The following PDPK1 variants were observed in gnomAD, a reference collection of about 807,000 sequenced individuals.
PDPK1 encodes the protein 3-phosphoinositide-dependent protein kinase 1.
A neutral mutation model predicts 39.8 loss-of-function variants in PDPK1; 7 were observed. The observed-to-expected ratio is 0.18, with a 90% CI of 0.10 to 0.33. PDPK1 has a LOEUF of 0.33. Among genes scored for constraint, PDPK1 ranks in the 10% least tolerant of loss-of-function variants. PDPK1 has a pLI of 1.00. For synonymous variants in PDPK1, 118 were observed against 159.1 expected (o/e 0.74, Z 1.95); for missense variants, 182 against 384.7 (o/e 0.47, Z 4.41).
At position 2,597,596 on chromosome 16, in the gene PDPK1, G is replaced by T. The variant is rs1185639737; in HGVS notation, c.1555-55G>T. On this transcript the variant is annotated intron_variant, in intron 13 of 13. Transcript: ENST00000342085. This position sits in a 1 kb window ranked among gnomAD's most constrained non-coding sequence, Gnocchi z 6.3. The stretch of plus-strand genomic sequence containing the variant: ...GTCGCAGGCAGCTCACCAGGTTGGG[G>T]TGGGGGTTTTGGTGGGACTCCCTGG... The T allele has an allele frequency of 7.9e-7, 1 of 1,264,166 alleles. No homozygotes were observed. The highest frequency in any genetic ancestry group is 1.2e-6 in the Non-Finnish European group (1 of 861,122). 78.3% of individuals were successfully genotyped at this position (1,264,166 alleles called of 1,614,324 possible).
chr16:2,594,835 T>C (rs1308606168), intron 11 of PDPK1, among the ~76,000 whole-genome samples: 2 of 151,834 alleles, frequency 1.3e-5, no homozygotes, highest in African/African-American at 4.8e-5. Flanking sequence ...ACAAAAAAAT[T>C]AGCCTGGCGG....
At chr16:2,580,111 G>A (rs958809981) in intron 7 of PDPK1, 9 of 148,424 alleles carry the variant, frequency 6.1e-5, no homozygotes, top group Admixed American at 2.7e-4. Flanking sequence ...TATGCCATTC[G>A]AGTCACGTTG....
intron 11 of PDPK1, among the ~76,000 whole-genome samples, chr16:2,594,898 G>A (rs539702659): frequency 6.2e-4 from 95 of 152,224 alleles, no homozygotes; most frequent in African/African-American, 2.1e-3. Flanking sequence ...GAGGCGGGTG[G>A]ATCACAAGGT....
chr16:2,579,384 C>T (rs1374218483), intron 7 of PDPK1: 1 of 85,626 alleles, frequency 1.2e-5, no homozygotes, highest in Non-Finnish European at 2.3e-5. Flanking sequence ...ACTTTCAGGG[C>T]GGAGGGCCAC....
chr16:2,539,020 A>AT, intron 1 of PDPK1: 1 of 220,088 alleles, frequency 4.5e-6, no homozygotes, highest in East Asian at 1.5e-4. Context: ...AAAGGCAAAT[A>AT]TTTTAAATGA....
chr16:2,590,334 C>T (rs13331566), intron 11 of PDPK1, among the ~76,000 whole-genome samples: 2,984 of 152,230 alleles, frequency 0.02, 99 homozygotes, highest in African/African-American at 0.068. Flanking sequence ...GACTTGAGGC[C>T]ATGGCACCAA....
intron 7 of PDPK1, among the ~76,000 whole-genome samples, chr16:2,577,928 G>A (rs2066748107): frequency 6.8e-6 from 1 of 147,840 alleles, no homozygotes. Context: ...TGGTAGAGAC[G>A]GGGTTTCACC....
At chr16:2,594,789 T>A (rs767318984) in intron 11 of PDPK1, among the ~76,000 whole-genome samples, 1 of 152,158 alleles carries the variant, frequency 6.6e-6, no homozygotes, top group Non-Finnish European at 1.5e-5. Context: ...GAGATCAGCC[T>A]GGCCAACAGG....
intron 11 of PDPK1, among the ~76,000 whole-genome samples, chr16:2,590,143 C>T (rs1163473752): frequency 5.3e-5 from 8 of 151,738 alleles, no homozygotes; most frequent in Non-Finnish European, 1.0e-4. Flanking sequence ...TTTTTTGAGG[C>T]GGAGTCTCCC....
At chr16:2,538,402 T>C (rs2066177289) in intron 1 of PDPK1, 1 of 378,262 alleles carries the variant, frequency 2.6e-6, no homozygotes, top group Non-Finnish European at 5.2e-6. Flanking sequence ...CCGGGAGGTG[T>C]CACCCGGCCC....
In PDPK1 at chr16:2,600,391, C is replaced by A. The variant is rs1483748744; in HGVS notation, c.*2624C>A. On this transcript the variant is annotated 3_prime_UTR_variant, in exon 14 of 14. Coordinates refer to ENST00000342085, the MANE Select transcript of PDPK1 (RefSeq NM_002613.5). The stretch of plus-strand genomic sequence containing the variant: ...GGAGGGAGGCTGTGGTCGCTGCCGG[C>A]CTAGGTGTCCCAGGTGCCCCGCCTT... 2 of 232,640 alleles carry A rather than the reference C, an allele frequency of 8.6e-6. No individual in the cohort carries two copies. The highest frequency in any genetic ancestry group is 1.7e-5 in the Non-Finnish European group (2 of 118,050). The allele number at this position is 232,640 out of a possible 1,614,324, so 14.4% of individuals were successfully genotyped here.
chr16:2,597,125 T>A lies in PDPK1; in HGVS notation c.1404T>A (p.Gly468=). 1 of 1,556,250 alleles carries A rather than the reference T, an allele frequency of 6.4e-7. No homozygotes were observed. The highest frequency in any genetic ancestry group is 1.4e-5 in the African/African-American group (1 of 73,230). ...GTTGTTTTGTGTTTTGGCGTCAGGGTTTATTTGCAAGACGACGACAGCTGT... is the reference window on the plus strand; with the variant it reads ...GTTGTTTTGTGTTTTGGCGTCAGGGATTATTTGCAAGACGACGACAGCTGT... ...LKMGPVDKRK[G]LFARRRQLLL... Residue 468 remains glycine, a splice_region_variant and synonymous_variant, in exon 13 of 14, where the codon GGT becomes GGA. Transcript: ENST00000342085. This position sits in a 1 kb window ranked among gnomAD's most constrained non-coding sequence, Gnocchi z 6.3.
At chr16:2,541,326 G>A (rs2066241164) in intron 1 of PDPK1, among the ~76,000 whole-genome samples, 1 of 152,180 alleles carries the variant, frequency 6.6e-6, no homozygotes, top group African/African-American at 2.4e-5. Context: ...GGGTTTAGAT[G>A]CTCCAGGGCA....
chr16:2,584,888 C>G (rs371926160), intron 10 of PDPK1, among the ~76,000 whole-genome samples: 6 of 152,200 alleles, frequency 3.9e-5, no homozygotes, highest in South Asian at 2.1e-4. Context: ...GAGGCCCTTG[C>G]CCCCACCCTG....
At chr16:2,543,802 A>T (rs1447492734) in intron 1 of PDPK1, among the ~76,000 whole-genome samples, 2 of 150,874 alleles carry the variant, frequency 1.3e-5, no homozygotes, top group Non-Finnish European at 2.9e-5. Flanking sequence ...GCTCACCGCA[A>T]CCTCCGTCTT....
chr16:2,589,797 A>T (rs562215584), intron 11 of PDPK1, among the ~76,000 whole-genome samples: 129 of 152,214 alleles, frequency 8.5e-4, no homozygotes, highest in Non-Finnish European at 1.6e-3. Context: ...AGCTCTTTAA[A>T]ATCCAATGTT....
At position 2,540,980 on chromosome 16, in the gene PDPK1, T is replaced by C. The variant is rs533698141; in HGVS notation, c.24+2844T>C. 6.6e-5 allele frequency among the ~76,000 whole-genome samples: 10 copies of C among 152,272 alleles called. No individual in the cohort carries two copies. The South Asian group carries it at 2.1e-3, about 32-fold the overall frequency. ...AAGTGGCTTTCGATTTTCTCTCTCC[T>C]TTTGGGGAGTTCCTCCTTATGTGGC... is the stretch of plus-strand genomic sequence containing the variant. On this transcript the variant is annotated intron_variant, in intron 1 of 13. Transcript: ENST00000342085.
Position 2,601,347 on chromosome 16 carries a change from C to T in PDPK1, c.*3580C>T. The T allele has an allele frequency of 4.3e-6, 1 of 234,698 alleles. No homozygotes were observed. The highest frequency in any genetic ancestry group is 6.0e-5 in the East Asian group (1 of 16,576). 14.5% of individuals were successfully genotyped at this position (234,698 alleles called of 1,614,324 possible). A position where few individuals can be genotyped will look rare whatever the true frequency, so the allele number is the denominator to read the frequency against. ...AAATGCTAAGAGGATGTCACTACTG[C>T]AATCCATCTGTGGCCGATTTTTTCC... On this transcript the variant is annotated 3_prime_UTR_variant, in exon 14 of 14. Transcript: ENST00000342085.
rs766162407 is a variant in PDPK1, at chr16:2,601,519, C to G, written c.*3752C>G. 5 of 234,464 alleles carry G rather than the reference C, an allele frequency of 2.1e-5. No individual in the cohort carries two copies. Among genetic ancestry groups the G allele is most frequent in the Non-Finnish European group, 4.2e-5 (5 of 117,908 alleles). 14.5% of individuals were successfully genotyped at this position (234,464 alleles called of 1,614,324 possible). A position where few individuals can be genotyped will look rare whatever the true frequency, so the allele number is the denominator to read the frequency against. The stretch of plus-strand genomic sequence containing the variant: ...GGTACTGAATTTGCATCTGCACAGT[C>G]AGCAGAGATAACAAGTGTTGAACTG... On this transcript the variant is annotated 3_prime_UTR_variant, in exon 14 of 14. Coordinates refer to ENST00000342085, the MANE Select transcript of PDPK1 (RefSeq NM_002613.5).
Sources: allele counts gnomAD v4.1 joint callset (sites outside exome capture counted in the v4.1 genomes callset), GRCh38; gene constraint gnomAD v4.1.1; non-coding constraint Gnocchi (gnomAD v3.1); transcripts MANE v1.5; gene names NCBI Gene and HGNC (gene_info 2026-07-23, HGNC 2026-07-21).